ABTB3: variants seen among roughly 807,000 people sequenced by gnomAD.
The protein encoded by ABTB3 is ankyrin repeat and BTB domain containing 3.
chr12:107,328,977 A>G, the ABTB3 span, among the ~76,000 whole-genome samples: 2 of 152,080 alleles, frequency 1.3e-5, no homozygotes, highest in African/African-American at 4.8e-5. Flanking sequence ...TGGCTGCCCC[A>G]TGAGTCACTT....
the ABTB3 span, among the ~76,000 whole-genome samples, chr12:107,518,121 G>A: frequency 6.6e-6 from 1 of 152,208 alleles, no homozygotes; most frequent in Non-Finnish European, 1.5e-5. Context: ...ACAGGTGCTG[G>A]AGAGGATGTG....
the ABTB3 span, among the ~76,000 whole-genome samples, chr12:107,324,699 A>C: frequency 6.6e-6 from 1 of 152,154 alleles, no homozygotes; most frequent in Non-Finnish European, 1.5e-5. Flanking sequence ...TGTGCATTTT[A>C]CTGTATTGTG....
At chr12:107,547,567 G>A in the ABTB3 span, among the ~76,000 whole-genome samples, 4 of 152,184 alleles carry the variant, frequency 2.6e-5, no homozygotes, top group African/African-American at 7.2e-5. Flanking sequence ...CCCAGAATTT[G>A]TCAGAGCCAT....
chr12:107,551,163 C>G, the ABTB3 span, among the ~76,000 whole-genome samples: 1 of 152,194 alleles, frequency 6.6e-6, no homozygotes, highest in Non-Finnish European at 1.5e-5. Flanking sequence ...CCTGAGGGAG[C>G]AATCACATCT....
the ABTB3 span, among the ~76,000 whole-genome samples, chr12:107,500,791 T>G: frequency 2.0e-5 from 3 of 152,204 alleles, no homozygotes; most frequent in Non-Finnish European, 4.4e-5. Context: ...TACAGTCTTT[T>G]GTCACCCGGA....
chr12:107,435,040 G>T, the ABTB3 span, among the ~76,000 whole-genome samples: 3 of 152,120 alleles, frequency 2.0e-5, no homozygotes, highest in Admixed American at 6.5e-5. Flanking sequence ...TCATTGTCCT[G>T]GCTTTAATTT....
chr12:107,525,975 C>G, the ABTB3 span, among the ~76,000 whole-genome samples: 1 of 152,210 alleles, frequency 6.6e-6, no homozygotes, highest in African/African-American at 2.4e-5. Context: ...TAATTAAAAT[C>G]ATTTTTTTCT....
chr12:107,396,713 A>G, the ABTB3 span, among the ~76,000 whole-genome samples: 862 of 152,218 alleles, frequency 5.7e-3, 10 homozygotes, highest in African/African-American at 0.018. Flanking sequence ...ATAATTTCTC[A>G]TATTTGCATG....
the ABTB3 span, chr12:107,640,172 T>G: frequency 9.0e-5 from 50 of 556,366 alleles, no homozygotes; most frequent in African/African-American, 8.1e-4. Context: ...TCCTGTCTGC[T>G]GTTTGGTTGC....
At chr12:107,369,157 T>TA in the ABTB3 span, among the ~76,000 whole-genome samples, 1 of 152,192 alleles carries the variant, frequency 6.6e-6, no homozygotes, top group Non-Finnish European at 1.5e-5. Flanking sequence ...GGATTTTATT[T>TA]AAGAGGACCT....
chr12:107,511,487 C>A, the ABTB3 span, among the ~76,000 whole-genome samples: 1 of 151,986 alleles, frequency 6.6e-6, no homozygotes, highest in African/African-American at 2.4e-5. Context: ...AGTTGGCTGA[C>A]TGTCCATTGG....
chr12:107,625,708 G>T, the ABTB3 span, among the ~76,000 whole-genome samples: 1 of 151,936 alleles, frequency 6.6e-6, no homozygotes, highest in Non-Finnish European at 1.5e-5. Context: ...GGAGTGGGAG[G>T]GATGCCTCAT....
the ABTB3 span, among the ~76,000 whole-genome samples, chr12:107,443,062 A>G: frequency 6.6e-6 from 1 of 152,010 alleles, no homozygotes; most frequent in Non-Finnish European, 1.5e-5. Context: ...TGAGGGCTCC[A>G]TCCTCATGAC....
chr12:107,504,040 T>C, the ABTB3 span, among the ~76,000 whole-genome samples: 2 of 152,194 alleles, frequency 1.3e-5, no homozygotes, highest in East Asian at 3.9e-4. Context: ...GCAAGGGCTG[T>C]GTGCTCCCTT....
chr12:107,447,269 A>G, the ABTB3 span, among the ~76,000 whole-genome samples: 66 of 152,244 alleles, frequency 4.3e-4, no homozygotes, highest in African/African-American at 1.5e-3. Context: ...CAGCCTCCCA[A>G]GTAGCTGGGA....
chr12:107,576,477 C>T, the ABTB3 span, among the ~76,000 whole-genome samples: 1 of 152,190 alleles, frequency 6.6e-6, no homozygotes. Flanking sequence ...ACCCTGGTGT[C>T]TCTCGTGTCC....
chr12:107,632,696 A>G, the ABTB3 span, among the ~76,000 whole-genome samples: 1 of 152,218 alleles, frequency 6.6e-6, no homozygotes, highest in Admixed American at 6.5e-5. Context: ...TTCTCTGCCT[A>G]GAATCTCAAG....
chr12:107,508,048 A>C, the ABTB3 span, among the ~76,000 whole-genome samples: 2 of 151,186 alleles, frequency 1.3e-5, no homozygotes, highest in Non-Finnish European at 2.9e-5. Context: ...TATTGAGTAG[A>C]TTGATGGAAG....
the ABTB3 span, among the ~76,000 whole-genome samples, chr12:107,406,220 C>G: frequency 6.6e-6 from 1 of 152,168 alleles, no homozygotes; most frequent in African/African-American, 2.4e-5. Flanking sequence ...GTGCCTGGCA[C>G]CAGAAGCACC....
Sources: gnomAD v4.1 joint callset for allele counts (sites outside exome capture counted in the v4.1 genomes callset) on GRCh38, gnomAD v4.1.1 for gene constraint, MANE v1.5 for transcripts, NCBI Gene and HGNC (gene_info 2026-07-23, HGNC 2026-07-21) for gene names.